Variants in TRIM67 observed in about 807,000 individuals in gnomAD.
TRIM67 encodes the protein tripartite motif-containing protein 67.
Under a neutral mutation model 71.0 loss-of-function variants are expected in TRIM67, and 39 were observed. The observed-to-expected ratio is 0.55, with a 90% CI of 0.43 to 0.72. The LOEUF (loss-of-function observed/expected upper bound fraction) is 0.72. Ranked by LOEUF, TRIM67 falls within the 30% of genes least tolerant of loss-of-function variation. TRIM67 has a pLI of 0.00. For missense variants in TRIM67, 973 were observed against 1,079.2 expected (o/e 0.90, Z 1.38); for synonymous variants, 481 against 473.9 (o/e 1.01, Z -0.19).
chr1:231,167,739 G>A (rs1040482650), intron 1 of TRIM67, among the ~76,000 whole-genome samples: 1 of 151,962 alleles, frequency 6.6e-6, no homozygotes, highest in Non-Finnish European at 1.5e-5. Flanking sequence ...ACAGGTGTGG[G>A]CCACTGCACC....
chr1:231,214,734 G>A (rs563559254), intron 9 of TRIM67, among the ~76,000 whole-genome samples: 2 of 139,088 alleles, frequency 1.4e-5, no homozygotes, highest in Non-Finnish European at 3.0e-5. Context: ...AGCCGAGATC[G>A]CACCACTGCA....
At chr1:231,199,763 G>A (rs931721192) in intron 3 of TRIM67, among the ~76,000 whole-genome samples, 3 of 152,232 alleles carry the variant, frequency 2.0e-5, no homozygotes, top group Non-Finnish European at 4.4e-5. Flanking sequence ...GCATGCTGGA[G>A]TTGATCCCAT....
In TRIM67 at chr1:231,218,387, C is replaced by T. The variant is rs1483725205; in HGVS notation, c.*2947C>T. On this transcript the variant is annotated 3_prime_UTR_variant, in exon 10 of 10. Transcript: ENST00000366653. ...GGAATTCAAAGTAGTTTAAAAATGT[C>T]GAGTTCCATTGCATTGTAAATAGTG... 3 of 986,206 alleles carry T rather than the reference C, an allele frequency of 3.0e-6. No individual in the cohort carries two copies. The highest frequency in any genetic ancestry group is 5.2e-4 in the Middle Eastern group (1 of 1,914). 61.1% of individuals were successfully genotyped at this position (986,206 alleles called of 1,614,324 possible). A position where few individuals can be genotyped will look rare whatever the true frequency, so the allele number is the denominator to read the frequency against.
intron 1 of TRIM67, among the ~76,000 whole-genome samples, chr1:231,194,434 C>T (rs1190765679): frequency 6.6e-6 from 1 of 152,114 alleles, no homozygotes; most frequent in African/African-American, 2.4e-5. Flanking sequence ...GATAAAGGTT[C>T]ATTGGAAGCC....
In TRIM67 at chr1:231,163,049, G is replaced by T; in HGVS notation, c.80G>T (p.Cys27Phe). The change falls in exon 1 of 10, where the codon TGC becomes TTC. Residue 27 changes from cysteine (C) to phenylalanine (F), a missense_variant. This residue lies in a region of TRIM67 where 795 missense variants were observed against 831.3 expected (regional missense o/e 0.96). Transcript: ENST00000366653. ...ATCCTGCCCTGTTCCCACAATGTCT[G>T]CCTGCCTTGCGCTCGCACCATCGCG... is the stretch of plus-strand genomic sequence containing the variant. ...PIILPCSHNV[C>F]LPCARTIAVQ... The T allele has an allele frequency of 6.2e-7, 1 of 1,610,160 alleles. No homozygotes were observed. Among genetic ancestry groups the T allele is most frequent in the Non-Finnish European group, 8.5e-7 (1 of 1,178,336 alleles).
At chr1:231,176,518 G>T (rs1682753988) in intron 1 of TRIM67, among the ~76,000 whole-genome samples, 1 of 152,144 alleles carries the variant, frequency 6.6e-6, no homozygotes, top group African/African-American at 2.4e-5. Context: ...ATTGCATGAG[G>T]CATTAAAGAA....
chr1:231,215,296 G>T, intron 9 of TRIM67, 79 bp from the exon 10 acceptor site: 1 of 1,533,462 alleles, frequency 6.5e-7, no homozygotes, highest in East Asian at 2.4e-5. Context: ...GATCCTGCCG[G>T]TGTCTGCGGT....
At chr1:231,202,950 G>T (rs1265014634) in intron 5 of TRIM67, among the ~76,000 whole-genome samples, 1 of 152,130 alleles carries the variant, frequency 6.6e-6, no homozygotes, top group Non-Finnish European at 1.5e-5. Context: ...TGGACTGGAT[G>T]GGGTCACTGG....
rs748597669 is a variant in TRIM67, at chr1:231,200,231, G to A, written c.1347G>A (p.Lys449=). 2 of 1,613,736 alleles carry A rather than the reference G, an allele frequency of 1.2e-6. No homozygotes were observed. Among genetic ancestry groups the A allele is most frequent in the African/African-American group, 2.7e-5 (2 of 75,048 alleles). Residue 449 remains lysine, a synonymous_variant, in exon 4 of 10, where the codon AAG becomes AAA. Coordinates refer to ENST00000366653, the MANE Select transcript of TRIM67 (RefSeq NM_001004342.5). The part of the protein sequence containing the change: ...GLMEYCLEVI[K]ENDPSGFLQI... ...TGGAGTACTGCCTGGAGGTGATCAAGGAGAACGACCCCTCCGGGTTCTTAC... is the reference window on the plus strand; with the variant it reads ...TGGAGTACTGCCTGGAGGTGATCAAAGAGAACGACCCCTCCGGGTTCTTAC...
intron 6 of TRIM67, among the ~76,000 whole-genome samples, chr1:231,205,649 T>A (rs949674739): frequency 5.3e-5 from 8 of 151,350 alleles, no homozygotes; most frequent in Non-Finnish European, 1.0e-4. Flanking sequence ...TCACTTGAAC[T>A]TGGAAGGCAA....
rs565551461 is a variant in TRIM67, at chr1:231,164,139, A to C, written c.1044+126A>C. The C allele has an allele frequency of 1.0e-5, 12 of 1,186,250 alleles. No homozygotes were observed. In the South Asian group the frequency reaches 2.4e-4, roughly 24 times the overall value. 73.5% of individuals were successfully genotyped at this position (1,186,250 alleles called of 1,614,324 possible). A position where few individuals can be genotyped will look rare whatever the true frequency, so the allele number is the denominator to read the frequency against. On this transcript the variant is annotated intron_variant, in intron 1 of 9. Coordinates refer to ENST00000366653, the MANE Select transcript of TRIM67 (RefSeq NM_001004342.5). ...GGGTCAGGCAGGAATTACCTCACTC[A>C]TTAGCCATTCATTCCATCAGATAGT...
rs1333745126 is a variant in TRIM67 at position 231,180,396 on chromosome 1, C to G, written c.1044+16383C>G. Among the ~76,000 whole-genome samples the G allele has an allele frequency of 1.3e-5, 2 of 152,212 alleles. 1 individual carries two copies. Among genetic ancestry groups the G allele is most frequent in the Middle Eastern group, 6.8e-3 (2 of 292 alleles). On this transcript the variant is annotated intron_variant, in intron 1 of 9. Transcript: ENST00000366653. ...AAGTCTCTAATTAAGAAAAAACACT[C>G]TATGGATTGATTTCTTACCTCTCGG... is the stretch of plus-strand genomic sequence containing the variant.
rs530771178 is a variant in TRIM67, at chr1:231,181,937, G to A, written c.1045-15434G>A. ...GTAGAAACATAAGCCTAGCACTTCT[G>A]GAGCCTGTTTTAAAGGGATGGTTTG... On this transcript the variant is annotated intron_variant, in intron 1 of 9. Coordinates refer to ENST00000366653, the MANE Select transcript of TRIM67 (RefSeq NM_001004342.5). Among the ~76,000 whole-genome samples, 9 of 152,280 alleles carry A rather than the reference G, an allele frequency of 5.9e-5. No homozygotes were observed. In the South Asian group the frequency reaches 1.9e-3, roughly 32 times the overall value.
chr1:231,215,956 C>A lies in TRIM67; in HGVS notation c.*516C>A, dbSNP rs1308421941. 2 of 986,586 alleles carry A rather than the reference C, an allele frequency of 2.0e-6. No individual in the cohort carries two copies. Among genetic ancestry groups the A allele is most frequent in the African/African-American group, 3.5e-5 (2 of 57,290 alleles). The allele number at this position is 986,586 out of a possible 1,614,324, so 61.1% of individuals were successfully genotyped here. ...GAAAGTTATCTTTTAGCTTCTTGGT[C>A]CTAGAGTCTTTAGTAGCACCTGCCA... is the stretch of plus-strand genomic sequence containing the variant. On this transcript the variant is annotated 3_prime_UTR_variant, in exon 10 of 10. Transcript: ENST00000366653.
chr1:231,206,617 AGAGGAGCCTGGT>A, intron 6 of TRIM67, 23 bp from the exon 7 acceptor site: 1 of 1,525,306 alleles, frequency 6.6e-7, no homozygotes, highest in East Asian at 2.4e-5. Context: ...TCCAAATGCT[AGAGGAGCCTGGT>A]GAGCAGCATT....
chr1:231,198,969 C>A (rs916546486), intron 2 of TRIM67, 78 bp from the exon 3 acceptor site: 58 of 1,604,688 alleles, frequency 3.6e-5, no homozygotes, highest in Non-Finnish European at 4.7e-5. Context: ...ATATCTTTGT[C>A]TATAGCACTC....
rs6693752 is a variant in TRIM67, at chr1:231,187,394, A to T, written c.1045-9977A>T. The T allele has an allele frequency of 1.8e-3, 1,655 of 938,210 alleles. 3 individuals carry two copies. Among genetic ancestry groups the T allele is most frequent in the Non-Finnish European group, 2.2e-3 (1,434 of 662,122 alleles). The allele number at this position is 938,210 out of a possible 1,614,324, so 58.1% of individuals were successfully genotyped here. ...CTTACCCAGGAGCCTCTACCTTTTA[A>T]TTTTTTTAAAAAATGAGTCATTTAC... On this transcript the variant is annotated intron_variant, in intron 1 of 9. Transcript: ENST00000366653.
intron 1 of TRIM67, among the ~76,000 whole-genome samples, chr1:231,194,242 G>T (rs1162079854): frequency 6.6e-6 from 1 of 152,188 alleles, no homozygotes; most frequent in Non-Finnish European, 1.5e-5. Flanking sequence ...TTCTTTCCCT[G>T]TCCCTGATAA....
In TRIM67 at chr1:231,213,460, C is replaced by T. The variant is rs377323160; in HGVS notation, c.2124-355C>T. Among the ~76,000 whole-genome samples the T allele has an allele frequency of 9.8e-5, 15 of 152,296 alleles. No individual in the cohort carries two copies. In the South Asian group the frequency reaches 3.1e-3, roughly 32 times the overall value. ...TAATTTTCTTGGCCGGGTACAGTGG[C>T]TCATGCCTTTAATCCCAGCACTTTG... On this transcript the variant is annotated intron_variant, in intron 8 of 9. Coordinates refer to ENST00000366653, the MANE Select transcript of TRIM67 (RefSeq NM_001004342.5).
Sources: gnomAD v4.1 joint callset for allele counts (sites outside exome capture counted in the v4.1 genomes callset) on GRCh38, gnomAD v4.1.1 for gene constraint, gnomAD v4.1.1 regional missense constraint, MANE v1.5 for transcripts, NCBI Gene and HGNC (gene_info 2026-07-23, HGNC 2026-07-21) for gene names.